MAPKAP1: variants seen among roughly 807,000 people sequenced by gnomAD.
MAPKAP1 encodes the protein MAPK associated protein 1, also known as target of rapamycin complex 2 subunit MAPKAP1.
Under a neutral mutation model 65.7 loss-of-function variants are expected in MAPKAP1, and 20 were observed. The ratio of observed to expected loss-of-function variants is 0.30; its 90% confidence interval spans 0.21 to 0.44. The LOEUF (loss-of-function observed/expected upper bound fraction) is 0.44. MAPKAP1 is among the 20% of genes least tolerant of loss of function. The pLI, the probability that MAPKAP1 is intolerant of heterozygous loss-of-function variation, is 1.00. For missense variants in MAPKAP1, 423 were observed against 648.0 expected (o/e 0.65, Z 3.77); for synonymous variants, 222 against 244.3 (o/e 0.91, Z 0.85).
chr9:125,698,126 G>A (rs1805636885), intron 1 of MAPKAP1, among the ~76,000 whole-genome samples: 1 of 150,668 alleles, frequency 6.6e-6, no homozygotes, highest in South Asian at 2.1e-4. Flanking sequence ...TCCTAGTTTT[G>A]CTACTCACGC....
chr9:125,671,467 C>T (rs1348638475), intron 2 of MAPKAP1, among the ~76,000 whole-genome samples: 8 of 152,128 alleles, frequency 5.3e-5, no homozygotes, highest in Non-Finnish European at 1.0e-4. Flanking sequence ...CATTACCTTT[C>T]CTGGGAGTTA....
In MAPKAP1 at chr9:125,438,714, C is replaced by T. The variant is rs1005403580; in HGVS notation, c.*173G>A. 10 of 703,106 alleles carry T rather than the reference C, an allele frequency of 1.4e-5. No homozygotes were observed. The highest frequency in any genetic ancestry group is 3.6e-5 in the African/African-American group (2 of 56,204). The allele number at this position is 703,106 out of a possible 1,614,324, so 43.6% of individuals were successfully genotyped here. On this transcript the variant is annotated 3_prime_UTR_variant, in exon 12 of 12. Transcript: ENST00000265960. ...TTCCGTCCCATGGCAATGTCCCCAG[C>T]GCTCCCTCCTAGGGGGCCCCCGACA...
At chr9:125,496,450 T>C (rs1336427441) in intron 8 of MAPKAP1, among the ~76,000 whole-genome samples, 2 of 152,248 alleles carry the variant, frequency 1.3e-5, no homozygotes, top group African/African-American at 2.4e-5. Context: ...TAAGAGTTTA[T>C]TTGCATGATC....
chr9:125,447,176 G>GCTGT lies in MAPKAP1; in HGVS notation c.1346-2582_1346-2579dup. The GCTGT allele has an allele frequency of 7.3e-6, 2 of 273,310 alleles. No homozygotes were observed. The highest frequency in any genetic ancestry group is 1.5e-5 in the Non-Finnish European group (2 of 135,066). The allele number at this position is 273,310 out of a possible 1,614,324, so 16.9% of individuals were successfully genotyped here. ...TGAATGTATTTGGTTGCATGTGGAG[G>GCTGT]CTGTGTGTGTCTCCTGCCTATCCCC... On this transcript the variant is annotated intron_variant, in intron 10 of 11. Coordinates refer to ENST00000265960, the MANE Select transcript of MAPKAP1 (RefSeq NM_001006617.3). This position sits in a 1 kb window ranked among gnomAD's most constrained non-coding sequence, Gnocchi z 4.5.
At chr9:125,480,645 T>C (rs929859972) in intron 9 of MAPKAP1, among the ~76,000 whole-genome samples, 6 of 152,092 alleles carry the variant, frequency 3.9e-5, no homozygotes, top group Non-Finnish European at 7.4e-5. Context: ...ATAATGACAA[T>C]GATAATAACA....
At chr9:125,668,007 C>CAAG (rs34007950) in intron 3 of MAPKAP1, among the ~76,000 whole-genome samples, 57,889 of 151,822 alleles carry the variant, frequency 0.38, 11,377 homozygotes, top group Middle Eastern at 0.48. Flanking sequence ...GAGAGAAATT[C>CAAG]AAGAACTACT....
intron 5 of MAPKAP1, among the ~76,000 whole-genome samples, chr9:125,576,865 G>A (rs1302910945): frequency 4.6e-5 from 7 of 151,792 alleles, no homozygotes; most frequent in South Asian, 2.1e-4. Flanking sequence ...ATCTCGGCTC[G>A]TTACAACCTC....
intron 9 of MAPKAP1, among the ~76,000 whole-genome samples, chr9:125,479,693 T>C (rs987747466): frequency 2.0e-5 from 3 of 151,970 alleles, no homozygotes; most frequent in Non-Finnish European, 4.4e-5. Context: ...CAGAGGCCAC[T>C]ACCACCCCAT....
At chr9:125,555,592 G>A (rs2133202533) in intron 6 of MAPKAP1, among the ~76,000 whole-genome samples, 2 of 152,336 alleles carry the variant, frequency 1.3e-5, no homozygotes, top group South Asian at 4.1e-4. Flanking sequence ...AGAAAGCAAG[G>A]TGGGACACAC....
intron 4 of MAPKAP1, among the ~76,000 whole-genome samples, chr9:125,656,226 G>A (rs1330884529): frequency 6.6e-6 from 1 of 152,120 alleles, no homozygotes; most frequent in Non-Finnish European, 1.5e-5. Flanking sequence ...AATCATTGTA[G>A]TATTTTTTTT....
intron 4 of MAPKAP1, among the ~76,000 whole-genome samples, chr9:125,603,985 T>C (rs1832378002): frequency 6.6e-6 from 1 of 152,198 alleles, no homozygotes; most frequent in South Asian, 2.1e-4. Flanking sequence ...GAAAGAAATA[T>C]AATGCTGTTA....
intron 6 of MAPKAP1, among the ~76,000 whole-genome samples, chr9:125,558,402 C>T (rs1245842326): frequency 2.0e-5 from 3 of 152,104 alleles, no homozygotes; most frequent in Admixed American, 6.5e-5. Context: ...AGGGATGAAA[C>T]GGCCACCATG....
At chr9:125,612,852 C>T (rs1438111509) in intron 4 of MAPKAP1, among the ~76,000 whole-genome samples, 1 of 152,212 alleles carries the variant, frequency 6.6e-6, no homozygotes, top group African/African-American at 2.4e-5. Context: ...GAACATGAGG[C>T]TGTTACACAA....
At chr9:125,636,828 A>G (rs981977802) in intron 4 of MAPKAP1, among the ~76,000 whole-genome samples, 14 of 152,260 alleles carry the variant, frequency 9.2e-5, no homozygotes, top group African/African-American at 2.2e-4. Context: ...CACACAGAGA[A>G]TAAGTGGCAA....
At chr9:125,704,146 T>C (rs1319466712) in intron 1 of MAPKAP1, among the ~76,000 whole-genome samples, 3 of 152,204 alleles carry the variant, frequency 2.0e-5, no homozygotes, top group African/African-American at 7.2e-5. Context: ...CGCATCCACA[T>C]CACAAAGAAC....
At chr9:125,527,881 C>A (rs1829819483) in intron 7 of MAPKAP1, among the ~76,000 whole-genome samples, 1 of 152,198 alleles carries the variant, frequency 6.6e-6, no homozygotes, top group East Asian at 1.9e-4. Flanking sequence ...TTTACATTTT[C>A]ATTTGATGAT....
At chr9:125,576,290 GT>G (rs927704894) in intron 5 of MAPKAP1, among the ~76,000 whole-genome samples, 7 of 152,128 alleles carry the variant, frequency 4.6e-5, no homozygotes, top group African/African-American at 1.7e-4. Flanking sequence ...GCTGGCTTTT[GT>G]TAATAATATT....
intron 1 of MAPKAP1, among the ~76,000 whole-genome samples, chr9:125,701,951 A>G (rs182954465): frequency 6.6e-6 from 1 of 152,314 alleles, no homozygotes; most frequent in East Asian, 1.9e-4. Context: ...TAATCAAAAC[A>G]TTGTATTGTA....
At chr9:125,523,171 T>C (rs1829668480) in intron 7 of MAPKAP1, among the ~76,000 whole-genome samples, 1 of 152,198 alleles carries the variant, frequency 6.6e-6, no homozygotes, top group African/African-American at 2.4e-5. Context: ...TTCAGTTAAC[T>C]GTCCTTGCTC....
Sources: gnomAD v4.1 joint callset for allele counts (sites outside exome capture counted in the v4.1 genomes callset) on GRCh38, gnomAD v4.1.1 for gene constraint, Gnocchi (gnomAD v3.1) non-coding constraint, MANE v1.5 for transcripts, NCBI Gene and HGNC (gene_info 2026-07-23, HGNC 2026-07-21) for gene names.